Variants in OXR1 observed in about 807,000 individuals in gnomAD.
The protein encoded by OXR1 is oxidation resistance protein 1.
A neutral mutation model predicts 104.6 loss-of-function variants in OXR1; 41 were observed. The observed-to-expected ratio is 0.39, with a 90% CI of 0.31 to 0.51. OXR1 has a LOEUF of 0.51. Among genes scored for constraint, OXR1 ranks in the 20% least tolerant of loss-of-function variants. The pLI is 0.77. For missense variants in OXR1, 955 were observed against 1,031.9 expected, an observed-to-expected ratio of 0.93 and a Z score of 1.02; for synonymous variants, 348 against 348.4, an observed-to-expected ratio of 1.00 and a Z score of 0.01.
intron 2 of OXR1, among the ~76,000 whole-genome samples, chr8:106,391,725 T>TTTG (rs1405111613): frequency 6.6e-6 from 1 of 152,264 alleles, no homozygotes; most frequent in African/African-American, 2.4e-5. Flanking sequence ...AAAATCTCTT[T>TTTG]TTGTTGTTGT....
rs555220471 is a variant in OXR1 at position 106,507,222 on chromosome 8, GT to G, written c.24-11720del. On this transcript the variant is annotated intron_variant, in intron 2 of 16. Coordinates refer to ENST00000517566, the MANE Select transcript of OXR1 (RefSeq NM_001198533.2). ...GTTAAAAAAAGTTGAGTATTTATAT[GT>G]GCCAGTGTGTATCATGCTGAATACT... Among the ~76,000 whole-genome samples, 187 of 152,354 alleles carry G rather than the reference GT, an allele frequency of 1.2e-3. 1 individual carries two copies. Among genetic ancestry groups the G allele is most frequent in the South Asian group, 4.6e-3 (22 of 4,828 alleles).
intron 1 of OXR1, among the ~76,000 whole-genome samples, chr8:106,275,815 T>G (rs936782476): frequency 1.2e-4 from 19 of 152,162 alleles, no homozygotes; most frequent in Non-Finnish European, 2.4e-4. Flanking sequence ...AGAGCAAGAT[T>G]TTGAAATTTA....
chr8:106,529,923 G>T (rs2130226672), intron 3 of OXR1, among the ~76,000 whole-genome samples: 1 of 152,282 alleles, frequency 6.6e-6, no homozygotes, highest in African/African-American at 2.4e-5. Context: ...TGAGAAATAA[G>T]CATGATCCTG....
chr8:106,422,628 G>A (rs1218153180), intron 2 of OXR1, among the ~76,000 whole-genome samples: 6 of 152,066 alleles, frequency 3.9e-5, no homozygotes, highest in African/African-American at 1.4e-4. Flanking sequence ...AGAGCCGTAT[G>A]ACTTCTCAGA....
chr8:106,556,555 T>G (rs1029162496), intron 3 of OXR1, among the ~76,000 whole-genome samples: 1 of 152,108 alleles, frequency 6.6e-6, no homozygotes, highest in Non-Finnish European at 1.5e-5. Context: ...TCAGCCTCAT[T>G]TGCTTCATCT....
chr8:106,421,748 T>C (rs1818915131), intron 2 of OXR1, among the ~76,000 whole-genome samples: 1 of 87,036 alleles, frequency 1.1e-5, no homozygotes, highest in Non-Finnish European at 2.2e-5. Flanking sequence ...AATTTGCTTC[T>C]ATCCATTGGC....
intron 2 of OXR1, among the ~76,000 whole-genome samples, chr8:106,373,956 T>C (rs1326865607): frequency 1.3e-5 from 2 of 152,254 alleles, no homozygotes; most frequent in East Asian, 3.8e-4. Context: ...TAATAGGAAT[T>C]ACTTAAAATC....
chr8:106,528,792 C>T (rs1477756663), intron 3 of OXR1, among the ~76,000 whole-genome samples: 1 of 152,202 alleles, frequency 6.6e-6, no homozygotes, highest in Non-Finnish European at 1.5e-5. Flanking sequence ...CTGGAACGTT[C>T]TCTCCAAGTT....
intron 5 of OXR1, among the ~76,000 whole-genome samples, chr8:106,683,768 T>G (rs773795294): frequency 2.6e-5 from 4 of 152,202 alleles, no homozygotes; most frequent in Non-Finnish European, 4.4e-5. Flanking sequence ...AGTTCAGACT[T>G]TTTCACGCGT....
chr8:106,438,419 A>G (rs1819665308), intron 2 of OXR1, among the ~76,000 whole-genome samples: 1 of 152,184 alleles, frequency 6.6e-6, no homozygotes, highest in African/African-American at 2.4e-5. Context: ...AATCATTTCT[A>G]TACTGACTAC....
In OXR1 at chr8:106,692,721, A is replaced by T. The variant is rs1179653865; in HGVS notation, c.526-7A>T. On this transcript the variant is annotated splice_region_variant and splice_polypyrimidine_tract_variant and intron_variant, in intron 6 of 16. Transcript: ENST00000517566. Reference sequence around the variant, plus strand: ...TTTTTTTTCTTTCCTTTAAAAAAAAAAAAAAGAATCCTGATGTCCATCCAA... The same window carrying T: ...TTTTTTTTCTTTCCTTTAAAAAAAATAAAAAGAATCCTGATGTCCATCCAA... 1.4e-6 allele frequency: 2 copies of T among 1,441,546 alleles called. No individual in the cohort carries two copies. The highest frequency in any genetic ancestry group is 1.8e-6 in the Non-Finnish European group (2 of 1,090,156). 89.3% of individuals were successfully genotyped at this position (1,441,546 alleles called of 1,614,324 possible). A position where few individuals can be genotyped will look rare whatever the true frequency, so the allele number is the denominator to read the frequency against.
chr8:106,550,358 T>C (rs1171428831), intron 3 of OXR1, among the ~76,000 whole-genome samples: 1 of 152,168 alleles, frequency 6.6e-6, no homozygotes, highest in Non-Finnish European at 1.5e-5. Flanking sequence ...AATTGACTCA[T>C]AGTTTTGCAT....
chr8:106,540,680 A>T (rs918819315), intron 3 of OXR1, among the ~76,000 whole-genome samples: 1 of 152,192 alleles, frequency 6.6e-6, no homozygotes, highest in East Asian at 1.9e-4. Flanking sequence ...AAAGAAGTTT[A>T]ATGGAGAACT....
At chr8:106,390,635 C>T (rs968140179) in intron 2 of OXR1, among the ~76,000 whole-genome samples, 2 of 152,124 alleles carry the variant, frequency 1.3e-5, no homozygotes, top group Admixed American at 6.5e-5. Flanking sequence ...AGTATCATTA[C>T]GTTACTATTC....
intron 1 of OXR1, among the ~76,000 whole-genome samples, chr8:106,349,263 A>G (rs1304349292): frequency 1.3e-5 from 2 of 152,208 alleles, no homozygotes; most frequent in Non-Finnish European, 2.9e-5. Flanking sequence ...TCATTATATT[A>G]TATGTTCCCC....
chr8:106,589,194 A>G (rs1030789548), intron 3 of OXR1, among the ~76,000 whole-genome samples: 1 of 152,212 alleles, frequency 6.6e-6, no homozygotes, highest in Admixed American at 6.5e-5. Flanking sequence ...AGCTGGCACC[A>G]TCACAGGCAG....
At chr8:106,389,052 A>G in intron 2 of OXR1, among the ~76,000 whole-genome samples, 1 of 152,192 alleles carries the variant, frequency 6.6e-6, no homozygotes, top group East Asian at 1.9e-4. Flanking sequence ...CCTTCTAATA[A>G]GAAGAATCAT....
intron 3 of OXR1, among the ~76,000 whole-genome samples, chr8:106,658,878 G>A (rs1563676304): frequency 6.6e-6 from 1 of 152,294 alleles, no homozygotes; most frequent in African/African-American, 2.4e-5. Context: ...ATAACTTAAA[G>A]AATTTTTGAA....
intron 3 of OXR1, among the ~76,000 whole-genome samples, chr8:106,625,658 G>T (rs1327389666): frequency 5.3e-5 from 8 of 152,120 alleles, no homozygotes; most frequent in Non-Finnish European, 1.5e-5. Context: ...GCTTAGGCCT[G>T]GTGAGATATG....
Sources: allele counts gnomAD v4.1 joint callset (sites outside exome capture counted in the v4.1 genomes callset), GRCh38; gene constraint gnomAD v4.1.1; transcripts MANE v1.5; gene names NCBI Gene and HGNC (gene_info 2026-07-23, HGNC 2026-07-21).